Variants in RARB observed in about 807,000 individuals in gnomAD.
RARB encodes the protein HBV-activated protein.
Under a neutral mutation model 51.9 loss-of-function variants are expected in RARB, and 17 were observed. The observed-to-expected ratio is 0.33, with a 90% confidence interval of 0.22 to 0.49. The LOEUF (loss-of-function observed/expected upper bound fraction) is 0.49, where lower values mean the gene tolerates loss of function less well. RARB is among the 20% of genes least tolerant of loss of function. The pLI is 0.99. For synonymous variants in RARB, 215 were observed against 195.4 expected (o/e 1.10, Z -0.84); for missense variants, 369 against 550.8 (o/e 0.67, Z 3.30).
chr3:25,269,699 C>T (rs1212562989), intron 5 of RARB, among the ~76,000 whole-genome samples: 1 of 152,118 alleles, frequency 6.6e-6, no homozygotes, highest in African/African-American at 2.4e-5. Context: ...CACTTAACAG[C>T]TAATTTTAAG....
At chr3:25,455,636 A>C (rs1282985310) in intron 1 of RARB, among the ~76,000 whole-genome samples, 1 of 152,148 alleles carries the variant, frequency 6.6e-6, no homozygotes, top group Non-Finnish European at 1.5e-5. Flanking sequence ...GTCTCCACTC[A>C]TGTGCGCAGT....
intron 5 of RARB, among the ~76,000 whole-genome samples, chr3:25,332,175 T>C (rs1704918783): frequency 6.6e-6 from 1 of 152,182 alleles, no homozygotes; most frequent in African/African-American, 2.4e-5. Flanking sequence ...ACTCATTTTA[T>C]GAGGCCAGCA....
intron 5 of RARB, among the ~76,000 whole-genome samples, chr3:25,192,963 C>T (rs1020130774): frequency 1.3e-5 from 2 of 151,984 alleles, no homozygotes; most frequent in African/African-American, 4.8e-5. Context: ...ATGAAGCTTA[C>T]ATTCTAGAAG....
chr3:25,285,926 A>G lies in RARB; in HGVS notation c.178+111351A>G, dbSNP rs943823345. ...CAAATACATCTACACATGCTCAGTA[A>G]CAAGGGTGTACACATAAACACAAAC... On this transcript the variant is annotated intron_variant, in intron 5 of 11. Transcript: ENST00000383772. Among the ~76,000 whole-genome samples the G allele has an allele frequency of 2.6e-5, 4 of 152,122 alleles. No homozygotes were observed. In the East Asian group the frequency reaches 7.7e-4, roughly 29 times the overall value.
chr3:25,252,697 G>C (rs1702756692), intron 5 of RARB, among the ~76,000 whole-genome samples: 1 of 152,044 alleles, frequency 6.6e-6, no homozygotes, highest in African/African-American at 2.4e-5. Context: ...TATTGATCTT[G>C]TATTCTGCCA....
At position 24,919,411 on chromosome 3, in the gene RARB, A is replaced by G. The variant is rs187332504; in HGVS notation, c.-380+60659A>G. Among the ~76,000 whole-genome samples the G allele has an allele frequency of 2.0e-4, 31 of 152,330 alleles. 1 individual carries two copies. In the East Asian group the frequency reaches 3.3e-3, roughly 16 times the overall value. Reference sequence around the variant, plus strand: ...ACAGACTGTAACCTACTCTTGTGCCAATCATCGAGTTTTGGCTAATCAAAG... The same window carrying G: ...ACAGACTGTAACCTACTCTTGTGCCGATCATCGAGTTTTGGCTAATCAAAG... On this transcript the variant is annotated intron_variant, in intron 2 of 11. Coordinates refer to the RARB transcript ENST00000383772.
intron 3 of RARB, among the ~76,000 whole-genome samples, chr3:25,556,878 G>T (rs1471743619): frequency 6.6e-6 from 1 of 152,156 alleles, no homozygotes; most frequent in Non-Finnish European, 1.5e-5. Context: ...GTGACAGTTG[G>T]CAATTATGAG....
chr3:25,124,242 C>A (rs1226838654), intron 3 of RARB, among the ~76,000 whole-genome samples: 1 of 152,136 alleles, frequency 6.6e-6, no homozygotes, highest in Non-Finnish European at 1.5e-5. Flanking sequence ...GGTGTCATGG[C>A]AGGCATTTGT....
At chr3:25,398,870 A>G (rs1359293247) in intron 5 of RARB, among the ~76,000 whole-genome samples, 1 of 152,232 alleles carries the variant, frequency 6.6e-6, no homozygotes, top group Non-Finnish European at 1.5e-5. Flanking sequence ...TGTACGCAAT[A>G]TGTTAAAATG....
At chr3:25,240,486 T>C (rs776457818) in intron 5 of RARB, among the ~76,000 whole-genome samples, 9 of 152,162 alleles carry the variant, frequency 5.9e-5, no homozygotes, top group Non-Finnish European at 1.3e-4. Context: ...GCCTTTATTA[T>C]ATTTTGTGGT....
chr3:24,961,701 A>G (rs982395177), intron 2 of RARB, among the ~76,000 whole-genome samples: 1 of 152,148 alleles, frequency 6.6e-6, no homozygotes, highest in Non-Finnish European at 1.5e-5. Context: ...AGAACAGGGA[A>G]TTAATGTCAT....
intron 5 of RARB, among the ~76,000 whole-genome samples, chr3:25,256,446 C>CAT (rs1331345450): frequency 1.3e-5 from 2 of 152,034 alleles, no homozygotes; most frequent in Admixed American, 1.3e-4. Context: ...ATAAGGGAAA[C>CAT]ATATATAAGC....
chr3:25,105,703 A>C (rs1208394743), intron 3 of RARB, among the ~76,000 whole-genome samples: 1 of 152,198 alleles, frequency 6.6e-6, no homozygotes, highest in Non-Finnish European at 1.5e-5. Context: ...TCCCATTCCC[A>C]ATGTTTTTAC....
chr3:25,198,521 T>C (rs1701302948), intron 5 of RARB, among the ~76,000 whole-genome samples: 1 of 152,068 alleles, frequency 6.6e-6, no homozygotes, highest in African/African-American at 2.4e-5. Context: ...AAACTATCCA[T>C]CTGACAAGAA....
At chr3:24,940,682 ACATGCGGAGGGAAAGGCATGGAC>A (rs1329100802) in intron 2 of RARB, among the ~76,000 whole-genome samples, 1 of 152,100 alleles carries the variant, frequency 6.6e-6, no homozygotes, top group African/African-American at 2.4e-5. Context: ...CTAACTTAGC[ACATGCGGAGGGAAAGGCATGGAC>A]CATAGACTCC....
chr3:25,039,067 C>A (rs899613311), intron 2 of RARB, among the ~76,000 whole-genome samples: 1 of 152,156 alleles, frequency 6.6e-6, no homozygotes, highest in African/African-American at 2.4e-5. Context: ...TAATTTCTGG[C>A]AGTATTTTCC....
At chr3:25,424,782 G>T (rs974591722), upstream of RARB, among the ~76,000 whole-genome samples, 1 of 152,174 alleles carries the variant, frequency 6.6e-6, no homozygotes, top group Non-Finnish European at 1.5e-5. Flanking sequence ...GCACAGACAC[G>T]ACTGCTCTTT....
At chr3:25,485,018 A>G (rs1696393408) in intron 2 of RARB, among the ~76,000 whole-genome samples, 1 of 152,228 alleles carries the variant, frequency 6.6e-6, no homozygotes, top group African/African-American at 2.4e-5. Flanking sequence ...AATGTAAATA[A>G]TTTTGTGTTT....
chr3:25,087,118 C>T (rs1055269726), intron 3 of RARB, among the ~76,000 whole-genome samples: 1 of 152,008 alleles, frequency 6.6e-6, no homozygotes, highest in African/African-American at 2.4e-5. Flanking sequence ...TATCTTATTG[C>T]TACAAAGAGC....
Sources: gnomAD v4.1 joint callset for allele counts (sites outside exome capture counted in the v4.1 genomes callset) on GRCh38, gnomAD v4.1.1 for gene constraint, MANE v1.5 for transcripts, NCBI Gene and HGNC (gene_info 2026-07-23, HGNC 2026-07-21) for gene names.